DMXL1: variants seen among roughly 807,000 people sequenced by gnomAD.
DMXL1 encodes Dmx like 1, also known as dmX-like protein 1.
A neutral mutation model predicts 319.2 loss-of-function variants in DMXL1; 99 were observed. That is an observed-to-expected ratio of 0.31 (90% CI 0.26 to 0.37). The LOEUF is 0.37. DMXL1 is among the 10% of genes least tolerant of loss of function. The probability of loss-of-function intolerance (pLI) is 1.00; values close to 1 mark genes in which losing one functional copy is unlikely to be tolerated. For missense variants in DMXL1, 3,745 were observed against 3,595.6 expected (o/e 1.04, Z -1.06); for synonymous variants, 1,385 against 1,235.2 (o/e 1.12, Z -2.54).
At chr5:119,179,840 A>G (rs74335159) in intron 28 of DMXL1, among the ~76,000 whole-genome samples, 4,214 of 152,238 alleles carry the variant, frequency 0.028, 183 homozygotes, top group African/African-American at 0.096. Context: ...AAGAAAAAAC[A>G]GGCAGGAATT....
intron 38 of DMXL1, among the ~76,000 whole-genome samples, chr5:119,225,066 A>G (rs1330915027): frequency 1.3e-5 from 2 of 152,014 alleles, no homozygotes; most frequent in Admixed American, 6.6e-5. Flanking sequence ...CTAAGTTAAC[A>G]CATTTTATCT....
chr5:119,147,333 C>G lies in DMXL1; in HGVS notation c.2774C>G (p.Pro925Arg). The part of the protein sequence containing the change: ...YSSSPEKILS[P>R]FSQKYQACRA... Reference sequence around the variant, plus strand: ...TCTTCTCCAGAGAAGATCCTATCTCCTTTTTCACAAAAGTATCAGGCTTGC... The same window carrying G: ...TCTTCTCCAGAGAAGATCCTATCTCGTTTTTCACAAAAGTATCAGGCTTGC... The change falls in exon 17 of 44, where the codon CCT becomes CGT. Residue 925 changes from proline to arginine, a missense_variant. Pro to Arg is a moderately radical substitution (Grantham distance 103). Transcript: ENST00000539542. 6.2e-7 allele frequency: 1 copy of G among 1,613,534 alleles called. No individual in the cohort carries two copies. The highest frequency in any genetic ancestry group is 8.5e-7 in the Non-Finnish European group (1 of 1,179,674).
intron 8 of DMXL1, among the ~76,000 whole-genome samples, chr5:119,120,639 C>T (rs576928183): frequency 3.9e-5 from 6 of 152,054 alleles, no homozygotes; most frequent in Non-Finnish European, 7.4e-5. Flanking sequence ...ATATCAGTCA[C>T]AAACAATAGT....
intron 15 of DMXL1, among the ~76,000 whole-genome samples, chr5:119,145,703 A>G (rs1038576639): frequency 6.6e-6 from 1 of 151,570 alleles, no homozygotes. Context: ...GGATTCTTCA[A>G]TTTTTAATGT....
chr5:119,218,348 T>C (rs542240102), intron 35 of DMXL1, among the ~76,000 whole-genome samples: 1 of 152,316 alleles, frequency 6.6e-6, no homozygotes, highest in Admixed American at 6.5e-5. Context: ...TGAATAGCTA[T>C]TCACATATAT....
intron 1 of DMXL1, among the ~76,000 whole-genome samples, chr5:119,073,525 C>T (rs569364457): frequency 1.5e-4 from 23 of 152,084 alleles, no homozygotes; most frequent in Middle Eastern, 3.4e-3. Context: ...GTTAATGTGC[C>T]GAGGAGGATT....
intron 37 of DMXL1, among the ~76,000 whole-genome samples, chr5:119,222,770 T>A (rs1784863249): frequency 6.6e-6 from 1 of 152,194 alleles, no homozygotes. Context: ...CTCATCTCCC[T>A]TTATTCTACA....
At chr5:119,135,905 A>T (rs1182054415) in intron 13 of DMXL1, among the ~76,000 whole-genome samples, 1 of 152,234 alleles carries the variant, frequency 6.6e-6, no homozygotes, top group Admixed American at 6.5e-5. Context: ...GGAGTGGGGC[A>T]CTGCTATAAG....
intron 38 of DMXL1, among the ~76,000 whole-genome samples, chr5:119,230,562 C>T (rs1223070677): frequency 1.1e-4 from 16 of 152,132 alleles, no homozygotes; most frequent in Admixed American, 1.0e-3. Context: ...CTGCCAGATA[C>T]AAAATATCAA....
rs756510009 is a variant in DMXL1 at position 119,171,730 on chromosome 5, T to C, written c.6490-48T>C. 20 of 1,475,788 alleles carry C rather than the reference T, an allele frequency of 1.4e-5. No homozygotes were observed. The East Asian group carries it at 4.4e-4, about 33-fold the overall frequency. The allele number at this position is 1,475,788 out of a possible 1,614,324, so 91.4% of individuals were successfully genotyped here. On this transcript the variant is annotated intron_variant, in intron 24 of 43. Transcript: ENST00000539542. ...CCCTTGATTTACTGAAGTAATGGTT[T>C]GTAACTGTAAATAGTTGGTTAACCT... is the stretch of plus-strand genomic sequence containing the variant.
chr5:119,129,237 T>A lies in DMXL1; in HGVS notation c.1129T>A (p.Ser377Thr), dbSNP rs1764276904. 9.9e-6 allele frequency: 16 copies of A among 1,612,376 alleles called. No individual in the cohort carries two copies. The highest frequency in any genetic ancestry group is 1.1e-5 in the Non-Finnish European group (13 of 1,179,086). The change falls in exon 10 of 44, where the codon TCT (serine) becomes ACT (threonine). Residue 377 changes from serine to threonine, a missense_variant. Ser to Thr is a moderately conservative substitution (Grantham distance 58). Coordinates refer to ENST00000539542, the MANE Select transcript of DMXL1 (RefSeq NM_001290321.3). The stretch of plus-strand genomic sequence containing the variant: ...CATTCCACTTCTTCCATCTATTACA[T>A]CTCTGAGTCTAAATGAAAATGAAGA... Reference protein sequence around the residue: ...TDIPLLPSITSLSLNENEEKT... With the variant: ...TDIPLLPSITTLSLNENEEKT...
chr5:119,132,634 G>A (rs1765176444), intron 10 of DMXL1: 6 of 371,080 alleles, frequency 1.6e-5, no homozygotes, highest in East Asian at 7.3e-5. Context: ...CTGAGATCAC[G>A]CCACTGTACT....
intron 7 of DMXL1, 66 bp downstream of exon 7, chr5:119,116,402 C>T: frequency 6.6e-7 from 1 of 1,526,246 alleles, no homozygotes; most frequent in Non-Finnish European, 8.9e-7. Flanking sequence ...TTGATTGCTT[C>T]TCTCACTTTT....
rs1349816208 is a variant in DMXL1 at position 119,098,047 on chromosome 5, A to G, written c.156A>G (p.Gly52=). ...TTGAAAGATTACAGATAATCCCAGG[A>G]GCTAAACATGGAAATATTCAAGTGG... ...SDFERLQIIP[G]AKHGNIQVGC... Residue 52 remains glycine (G), a synonymous_variant, in exon 2 of 44, where the codon GGA becomes GGG. Transcript: ENST00000539542. 1 of 1,609,382 alleles carries G rather than the reference A, an allele frequency of 6.2e-7. No homozygotes were observed. Among genetic ancestry groups the G allele is most frequent in the Admixed American group, 1.7e-5 (1 of 58,772 alleles).
At chr5:119,234,224 C>T (rs888387456) in intron 39 of DMXL1, among the ~76,000 whole-genome samples, 1 of 152,104 alleles carries the variant, frequency 6.6e-6, no homozygotes, top group African/African-American at 2.4e-5. Flanking sequence ...CAGTACTGCT[C>T]CTTGTGAAGC....
rs530915717 is a variant in DMXL1, at chr5:119,123,240, C to T, written c.1102+2101C>T. Among the ~76,000 whole-genome samples, 377 of 151,178 alleles carry T rather than the reference C, an allele frequency of 2.5e-3. 2 individuals carry two copies. Among genetic ancestry groups the T allele is most frequent in the African/African-American group, 8.3e-3 (341 of 41,022 alleles). On this transcript the variant is annotated intron_variant, in intron 9 of 43. Transcript: ENST00000539542. Reference sequence around the variant, plus strand: ...ATCAGGCAGGGAGGCTGCAGTGAGCCGAGATGGCGGCAGTACAGTCCAGCT... The same window carrying T: ...ATCAGGCAGGGAGGCTGCAGTGAGCTGAGATGGCGGCAGTACAGTCCAGCT...
At chr5:119,181,956 A>G (rs1776858082) in intron 28 of DMXL1, among the ~76,000 whole-genome samples, 1 of 152,216 alleles carries the variant, frequency 6.6e-6, no homozygotes, top group Non-Finnish European at 1.5e-5. Context: ...CAAGACAAGG[A>G]ACTACTAGCA....
rs190919065 is a variant in DMXL1, at chr5:119,101,856, T to C, written c.214-79T>C. Reference sequence around the variant, plus strand: ...GTGTGTATTGGCATATTTAAAGTTATAGTATTCATTTCTTTGCTTTTTTTG... The same window carrying C: ...GTGTGTATTGGCATATTTAAAGTTACAGTATTCATTTCTTTGCTTTTTTTG... On this transcript the variant is annotated intron_variant, in intron 2 of 43. Coordinates refer to ENST00000539542, the MANE Select transcript of DMXL1 (RefSeq NM_001290321.3). 81 of 890,050 alleles carry C rather than the reference T, an allele frequency of 9.1e-5. No individual in the cohort carries two copies. In the East Asian group the frequency reaches 1.9e-3, roughly 21 times the overall value. The allele number at this position is 890,050 out of a possible 1,614,324, so 55.1% of individuals were successfully genotyped here. A position where few individuals can be genotyped will look rare whatever the true frequency, so the allele number is the denominator to read the frequency against.
chr5:119,126,126 A>T (rs962438526), intron 9 of DMXL1, among the ~76,000 whole-genome samples: 1 of 152,096 alleles, frequency 6.6e-6, no homozygotes, highest in African/African-American at 2.4e-5. Context: ...TCTGCTAAAA[A>T]TACAAAATTA....
Sources: gnomAD v4.1 joint callset for allele counts (sites outside exome capture counted in the v4.1 genomes callset) on GRCh38, gnomAD v4.1.1 for gene constraint, MANE v1.5 for transcripts, NCBI Gene and HGNC (gene_info 2026-07-23, HGNC 2026-07-21) for gene names.